The following DAPP1 variants were observed in gnomAD, a reference collection of about 807,000 sequenced individuals.
DAPP1 encodes dual adapter for phosphotyrosine and 3-phosphotyrosine and 3-phosphoinositide.
Under a neutral mutation model 41.5 loss-of-function variants are expected in DAPP1, and 20 were observed. The ratio of observed to expected loss-of-function variants is 0.48; its 90% CI spans 0.34 to 0.70. The LOEUF (loss-of-function observed/expected upper bound fraction) is 0.70, where lower values mean the gene tolerates loss of function less well. Ranked by LOEUF, DAPP1 falls within the 30% of genes least tolerant of loss-of-function variation. DAPP1 has a pLI of 0.01. For synonymous variants in DAPP1, 113 were observed against 116.2 expected, an observed-to-expected ratio of 0.97 and a Z score of 0.18; for missense variants, 233 against 333.4, an observed-to-expected ratio of 0.70 and a Z score of 2.35.
chr4:99,853,434 C>A, intron 4 of DAPP1, 86 bp downstream of exon 4: 1 of 1,484,888 alleles, frequency 6.7e-7, no homozygotes, highest in South Asian at 1.3e-5. Flanking sequence ...TGTATTTGTT[C>A]ACATAAAAAT....
At chr4:99,851,541 T>G (rs1578183435) in intron 3 of DAPP1, among the ~76,000 whole-genome samples, 2 of 135,472 alleles carry the variant, frequency 1.5e-5, no homozygotes, top group South Asian at 5.0e-4. Context: ...GTAGTTTTTT[T>G]TTTTTTTTTT....
At chr4:99,829,310 T>A (rs1183863561) in intron 1 of DAPP1, among the ~76,000 whole-genome samples, 20 of 151,986 alleles carry the variant, frequency 1.3e-4, no homozygotes, top group Admixed American at 1.3e-3. Context: ...TGAAACCCTG[T>A]CTCTATTAAA....
intron 1 of DAPP1, among the ~76,000 whole-genome samples, chr4:99,833,797 T>C (rs1040647526): frequency 6.6e-6 from 1 of 152,250 alleles, no homozygotes; most frequent in South Asian, 2.1e-4. Context: ...AAGAAAGTCA[T>C]GCCACAGAGG....
chr4:99,854,089 C>G (rs1723963148), intron 4 of DAPP1, among the ~76,000 whole-genome samples: 1 of 151,836 alleles, frequency 6.6e-6, no homozygotes, highest in Non-Finnish European at 1.5e-5. Context: ...AGCTTTTTTT[C>G]CTTTACTGAC....
intron 1 of DAPP1, among the ~76,000 whole-genome samples, chr4:99,821,481 A>G (rs1722772249): frequency 6.6e-6 from 1 of 152,246 alleles, no homozygotes; most frequent in Non-Finnish European, 1.5e-5. Flanking sequence ...TTGGATGCTT[A>G]TCATGTGCTA....
intron 3 of DAPP1, among the ~76,000 whole-genome samples, chr4:99,840,655 A>G (rs926426499): frequency 3.9e-5 from 6 of 152,324 alleles, no homozygotes; most frequent in African/African-American, 1.4e-4. Context: ...AATAACATAT[A>G]CAATACACAC....
At chr4:99,861,443 G>A in intron 4 of DAPP1, 135 bp from the exon 5 acceptor site, 2 of 904,390 alleles carry the variant, frequency 2.2e-6, no homozygotes, top group Non-Finnish European at 3.4e-6. Flanking sequence ...CTTTTCAAGT[G>A]CCTAGGTGAA....
chr4:99,865,347 A>G (rs967226465), intron 7 of DAPP1: 1 of 152,246 alleles, frequency 6.6e-6, no homozygotes, highest in South Asian at 2.1e-4. Flanking sequence ...TAACTAGGTA[A>G]TCAGACACAG....
chr4:99,841,090 T>C (rs534694630), intron 3 of DAPP1, among the ~76,000 whole-genome samples: 32 of 152,358 alleles, frequency 2.1e-4, no homozygotes, highest in Admixed American at 3.9e-4. Flanking sequence ...ATTTGTGATA[T>C]AGAATCACAA....
chr4:99,853,872 A>T (rs1314545685), intron 4 of DAPP1, among the ~76,000 whole-genome samples: 4 of 152,206 alleles, frequency 2.6e-5, no homozygotes, highest in Non-Finnish European at 5.9e-5. Flanking sequence ...ATACTTCGAA[A>T]ATGGAACTTA....
intron 1 of DAPP1, among the ~76,000 whole-genome samples, chr4:99,828,170 T>C (rs1723004644): frequency 6.6e-6 from 1 of 152,194 alleles, no homozygotes. Flanking sequence ...TCTGACAAGA[T>C]CCCAGGTGAT....
At chr4:99,842,163 T>C (rs1288398876) in intron 3 of DAPP1, among the ~76,000 whole-genome samples, 1 of 152,228 alleles carries the variant, frequency 6.6e-6, no homozygotes, top group Non-Finnish European at 1.5e-5. Flanking sequence ...GGGACAATGA[T>C]AAGCTTCCTT....
In DAPP1 at chr4:99,835,683, T is replaced by C; in HGVS notation, c.162T>C (p.Cys54=). 6.2e-7 allele frequency: 1 copy of C among 1,613,944 alleles called. No homozygotes were observed. Residue 54 remains cysteine, a synonymous_variant, in exon 2 of 9, where the codon TGT becomes TGC. Transcript: ENST00000512369. The part of the protein sequence containing the change: ...AAEALLLSNG[C]DGSYLLRDSN... Reference sequence around the variant, plus strand: ...AAGCTCTTCTCCTCTCAAATGGATGTGACGGCAGCTACCTTCTGAGGGACA... The same window carrying C: ...AAGCTCTTCTCCTCTCAAATGGATGCGACGGCAGCTACCTTCTGAGGGACA...
At chr4:99,834,500 G>A (rs2110142256) in intron 1 of DAPP1, among the ~76,000 whole-genome samples, 1 of 152,178 alleles carries the variant, frequency 6.6e-6, no homozygotes, top group East Asian at 1.9e-4. Flanking sequence ...GGCTGAAACA[G>A]TACTTGGTGG....
chr4:99,835,111 T>G (rs1475000597), intron 1 of DAPP1, among the ~76,000 whole-genome samples: 1 of 151,662 alleles, frequency 6.6e-6, no homozygotes, highest in Non-Finnish European at 1.5e-5. Flanking sequence ...CAGGTTCAAG[T>G]GATTCTCCTG....
chr4:99,828,198 A>G lies in DAPP1; in HGVS notation c.102-7425A>G, dbSNP rs111586946. ...CAGGTGATGCTGATGCTGTTGGTCC[A>G]TACTTTAAGTAGCAAAGCTTTGCAC... On this transcript the variant is annotated intron_variant, in intron 1 of 8. Transcript: ENST00000512369. Among the ~76,000 whole-genome samples the G allele has an allele frequency of 1.9e-3, 296 of 152,364 alleles. 3 individuals carry two copies. Among genetic ancestry groups the G allele is most frequent in the African/African-American group, 6.5e-3 (270 of 41,590 alleles).
intron 6 of DAPP1, 95 bp from the exon 7 acceptor site, chr4:99,863,675 G>A: frequency 1.3e-6 from 1 of 788,008 alleles, no homozygotes; most frequent in Non-Finnish European, 2.0e-6. Context: ...ATTGCACATA[G>A]TGGAAAACTT....
chr4:99,870,351 G>GTA (rs146375460), downstream of DAPP1, among the ~76,000 whole-genome samples: 1,660 of 146,662 alleles, frequency 0.011, 37 homozygotes, highest in African/African-American at 0.038. Flanking sequence ...ATATATGCGT[G>GTA]TATATATATA....
intron 3 of DAPP1, among the ~76,000 whole-genome samples, chr4:99,849,761 G>A (rs1405051659): frequency 2.6e-5 from 4 of 152,186 alleles, no homozygotes; most frequent in African/African-American, 9.6e-5. Flanking sequence ...AATAACTTTG[G>A]GGTGGGGAGA....
Sources: allele counts gnomAD v4.1 joint callset (sites outside exome capture counted in the v4.1 genomes callset), GRCh38; gene constraint gnomAD v4.1.1; transcripts MANE v1.5; gene names NCBI Gene and HGNC (gene_info 2026-07-23, HGNC 2026-07-21).